Variants in RRP1B observed in about 807,000 individuals in gnomAD.
RRP1B encodes ribosomal RNA processing protein 1 homolog B.
A neutral mutation model predicts 80.2 loss-of-function variants in RRP1B; 56 were observed. That is an observed-to-expected ratio of 0.70 (90% CI 0.56 to 0.87). RRP1B has a LOEUF of 0.87. Ranked by LOEUF, RRP1B falls within the 40% of genes least tolerant of loss-of-function variation. RRP1B has a pLI of 0.00. For missense variants in RRP1B, 807 were observed against 939.8 expected, an observed-to-expected ratio of 0.86 and a Z score of 1.85; for synonymous variants, 351 against 357.6, an observed-to-expected ratio of 0.98 and a Z score of 0.21.
In RRP1B at chr21:43,688,169, A is replaced by G; in HGVS notation, c.1795A>G (p.Met599Val). 6.3e-7 allele frequency: 1 copy of G among 1,576,184 alleles called. No homozygotes were observed. Among genetic ancestry groups the G allele is most frequent in the Non-Finnish European group, 8.6e-7 (1 of 1,159,994 alleles). ...AGCAAGTTTGAAAAAGAGGAAGAAA[A>G]TGAGAGTGATGTCAAACTTGGTGGA... ...KTASLKKRKK[M>V]RVMSNLVEHN... The change falls in exon 13 of 16, where the codon ATG (methionine) becomes GTG (valine). Residue 599 changes from methionine to valine, a missense_variant. Transcript: ENST00000340648.
chr21:43,687,418 A>G, intron 12 of RRP1B, 98 bp from the exon 13 acceptor site: 1 of 1,349,024 alleles, frequency 7.4e-7, no homozygotes, highest in Non-Finnish European at 9.7e-7. Flanking sequence ...GTAGAATGTC[A>G]GGAAATTGCG....
chr21:43,677,014 C>A, intron 8 of RRP1B, 100 bp downstream of exon 8: 1 of 1,201,264 alleles, frequency 8.3e-7, no homozygotes, highest in Non-Finnish European at 1.2e-6. Flanking sequence ...TGAATGCAAC[C>A]TAGAGTTGAT....
chr21:43,676,528 T>C (rs2083023298), intron 7 of RRP1B, among the ~76,000 whole-genome samples, 192 bp downstream of exon 7: 1 of 152,356 alleles, frequency 6.6e-6, no homozygotes, highest in Middle Eastern at 3.4e-3. Context: ...ATTCCAGGAA[T>C]GCCCTCCCAC....
chr21:43,669,848 T>C (rs775277063), intron 1 of RRP1B, 36 bp from the exon 2 acceptor site: 1 of 1,459,136 alleles, frequency 6.9e-7, no homozygotes, highest in Admixed American at 1.7e-5. Context: ...AAGAGATGCA[T>C]AGACTCTAAG....
Position 43,659,699 on chromosome 21 carries a change from T to A in RRP1B, c.35T>A (p.Phe12Tyr), listed in dbSNP as rs1170684414. 2.0e-6 allele frequency: 3 copies of A among 1,527,622 alleles called. No individual in the cohort carries two copies. The highest frequency in any genetic ancestry group is 2.6e-6 in the Non-Finnish European group (3 of 1,136,558). The allele number at this position is 1,527,622 out of a possible 1,614,324, so 94.6% of individuals were successfully genotyped here. A position where few individuals can be genotyped will look rare whatever the true frequency, so the allele number is the denominator to read the frequency against. Residue 12 changes from phenylalanine to tyrosine, a missense_variant, in exon 1 of 16, where the codon TTT (phenylalanine) becomes TAT (tyrosine). Phe to Tyr is a conservative substitution (Grantham distance 22). Coordinates refer to ENST00000340648, the MANE Select transcript of RRP1B (RefSeq NM_015056.3). The surrounding 1 kb of genome is among the most constrained non-coding windows in gnomAD (Gnocchi z 4.2). The part of the protein sequence containing the change: ...APAMQPAEIQ[F>Y]AQRLASSEKG... Reference sequence around the variant, plus strand: ...GCCATGCAGCCGGCCGAGATCCAATTTGCCCAGCGGCTGGCGTCCAGCGAG... The same window carrying A: ...GCCATGCAGCCGGCCGAGATCCAATATGCCCAGCGGCTGGCGTCCAGCGAG...
Position 43,659,840 on chromosome 21 carries a change from G to A in RRP1B, c.130+46G>A, listed in dbSNP as rs1262794703. 6 of 1,476,560 alleles carry A rather than the reference G, an allele frequency of 4.1e-6. No homozygotes were observed. Among genetic ancestry groups the A allele is most frequent in the Non-Finnish European group, 5.4e-6 (6 of 1,107,540 alleles). 91.5% of individuals were successfully genotyped at this position (1,476,560 alleles called of 1,614,324 possible). The stretch of plus-strand genomic sequence containing the variant: ...AGCCGCGCCACATGGCGGGCCGGGG[G>A]CCGGGGCTGGGGCTAGGGCCAGGGC... On this transcript the variant is annotated intron_variant, in intron 1 of 15. Transcript: ENST00000340648. This position sits in a 1 kb window ranked among gnomAD's most constrained non-coding sequence, Gnocchi z 4.2.
intron 8 of RRP1B, among the ~76,000 whole-genome samples, chr21:43,681,471 T>C (rs1158407390): frequency 6.6e-6 from 1 of 151,694 alleles, no homozygotes; most frequent in Non-Finnish European, 1.5e-5. Context: ...TTCTCCTGCC[T>C]CAGCCTCCCA....
intron 1 of RRP1B, among the ~76,000 whole-genome samples, chr21:43,664,327 CA>C (rs11351123): frequency 0.66 from 68,513 of 103,080 alleles, 19,523 homozygotes; most frequent in African/African-American, 0.76. Flanking sequence ...AACTCCGTCT[CA>C]AAAAAAAAAA....
At chr21:43,660,906 A>G (rs1416606158) in intron 1 of RRP1B, among the ~76,000 whole-genome samples, 1 of 152,206 alleles carries the variant, frequency 6.6e-6, no homozygotes, top group Admixed American at 6.5e-5. Flanking sequence ...TACTTTCTAT[A>G]AACTCTTGAG....
In RRP1B at chr21:43,693,238, C is replaced by G. The variant is rs1280244143; in HGVS notation, c.2132C>G (p.Ser711Cys). Residue 711 changes from serine to cysteine, a missense_variant, in exon 16 of 16, where the codon TCT (serine) becomes TGT (cysteine). Ser to Cys is a moderately radical substitution (Grantham distance 112, BLOSUM62 -1). Transcript: ENST00000340648. This position sits in a 1 kb window ranked among gnomAD's most constrained non-coding sequence, Gnocchi z 4.1. The part of the protein sequence containing the change: ...KSILVSPTGP[S>C]RVAFDPEQKP... ...ATCTTGGTCAGTCCCACGGGCCCTTCTCGAGTGGCCTTCGACCCTGAACAG... is the reference window on the plus strand; with the variant it reads ...ATCTTGGTCAGTCCCACGGGCCCTTGTCGAGTGGCCTTCGACCCTGAACAG... 39 of 1,614,096 alleles carry G rather than the reference C, an allele frequency of 2.4e-5. No individual in the cohort carries two copies. Among genetic ancestry groups the G allele is most frequent in the Non-Finnish European group, 3.3e-5 (39 of 1,180,032 alleles).
intron 8 of RRP1B, among the ~76,000 whole-genome samples, chr21:43,681,565 C>T (rs1303984111): frequency 6.6e-6 from 1 of 152,172 alleles, no homozygotes; most frequent in Non-Finnish European, 1.5e-5. Flanking sequence ...GAACTCCCGA[C>T]CTCAGTTGAT....
At chr21:43,684,525 C>T (rs918419750) in intron 9 of RRP1B, 28 bp from the exon 10 acceptor site, 3 of 1,597,910 alleles carry the variant, frequency 1.9e-6, no homozygotes, top group African/African-American at 2.7e-5. Flanking sequence ...TGGCTGCAGA[C>T]TTATGTTTAG....
At chr21:43,683,403 T>C (rs1280221956) in intron 9 of RRP1B, 30 bp downstream of exon 9, 1 of 1,570,824 alleles carries the variant, frequency 6.4e-7, no homozygotes, top group East Asian at 2.2e-5. Flanking sequence ...TTTTATAGAA[T>C]ATAGATTTGC....
intron 12 of RRP1B, among the ~76,000 whole-genome samples, chr21:43,687,249 C>T (rs965564679): frequency 3.3e-5 from 5 of 152,056 alleles, no homozygotes; most frequent in Admixed American, 2.6e-4. Flanking sequence ...CCCTTGAGCC[C>T]TAAAATTAGT....
At chr21:43,664,750 A>G (rs1044871473) in intron 1 of RRP1B, among the ~76,000 whole-genome samples, 2 of 152,170 alleles carry the variant, frequency 1.3e-5, no homozygotes, top group Non-Finnish European at 2.9e-5. Context: ...ATGGCTGGGG[A>G]GGCCTCACAA....
At chr21:43,669,015 A>C (rs912466442) in intron 1 of RRP1B, among the ~76,000 whole-genome samples, 1 of 152,248 alleles carries the variant, frequency 6.6e-6, no homozygotes, top group African/African-American at 2.4e-5. Context: ...TCATGAAGGC[A>C]GAGGTAGAGC....
intron 13 of RRP1B, among the ~76,000 whole-genome samples, chr21:43,688,612 T>C (rs1369907992): frequency 6.6e-6 from 1 of 152,208 alleles, no homozygotes. Context: ...CCAGGCCCCT[T>C]TGGCAAAAGA....
At chr21:43,670,830 C>G (rs1459534399) in intron 2 of RRP1B, among the ~76,000 whole-genome samples, 1 of 152,316 alleles carries the variant, frequency 6.6e-6, no homozygotes, top group South Asian at 2.1e-4. Flanking sequence ...GTCTCTGATG[C>G]AGATGACAGG....
chr21:43,683,560 G>A (rs981186330), intron 9 of RRP1B, among the ~76,000 whole-genome samples, 187 bp downstream of exon 9: 2 of 152,148 alleles, frequency 1.3e-5, no homozygotes, highest in Non-Finnish European at 2.9e-5. Flanking sequence ...AAATATGATG[G>A]AGTTTTGAAA....
Sources: gnomAD v4.1 joint callset for allele counts (sites outside exome capture counted in the v4.1 genomes callset) on GRCh38, gnomAD v4.1.1 for gene constraint, Gnocchi (gnomAD v3.1) non-coding constraint, MANE v1.5 for transcripts, NCBI Gene and HGNC (gene_info 2026-07-23, HGNC 2026-07-21) for gene names.